The following MIAT variants were observed in gnomAD, a reference collection of about 807,000 sequenced individuals.
MIAT encodes myocardial infarction associated transcript.
intron 2 of MIAT, among the ~76,000 whole-genome samples, chr22:26,662,073 A>C (rs1271671857): frequency 1.3e-5 from 2 of 151,184 alleles, no homozygotes; most frequent in Non-Finnish European, 3.0e-5. Context: ...CCTCCTGTTG[A>C]AGCCTCCCAA....
chr22:26,656,239 G>A (rs1455873951), intron 2 of MIAT: 1 of 152,154 alleles, frequency 6.6e-6, no homozygotes, highest in Non-Finnish European at 1.5e-5. Flanking sequence ...TCGAACTCCT[G>A]ACTTCAGGTG....
exon 5 of MIAT, chr22:26,667,292 T>C (rs775521769): frequency 1.0e-5 from 4 of 398,086 alleles, no homozygotes; most frequent in African/African-American, 4.2e-5. Context: ...ACACGCTTTA[T>C]TACAGTCTCG....
intron 2 of MIAT, among the ~76,000 whole-genome samples, chr22:26,654,991 C>T (rs140236388): frequency 0.01 from 1,537 of 152,282 alleles, 28 homozygotes; most frequent in African/African-American, 0.033. Context: ...GGATTACAGG[C>T]GTGAGCTGCT....
intron 2 of MIAT, among the ~76,000 whole-genome samples, chr22:26,652,545 C>T (rs993618134): frequency 5.9e-5 from 9 of 152,106 alleles, no homozygotes; most frequent in African/African-American, 9.6e-5. Context: ...TTAGTAGAGA[C>T]GGGGATTTCA....
At chr22:26,676,102 A>G (rs1028064738) in exon 5 of MIAT, 3 of 386,718 alleles carry the variant, frequency 7.8e-6, no homozygotes, top group Non-Finnish European at 1.4e-5. Context: ...CAATCCGAAC[A>G]GGTGTTATAA....
chr22:26,649,663 C>A (rs1369619815), intron 2 of MIAT, among the ~76,000 whole-genome samples: 1 of 152,192 alleles, frequency 6.6e-6, no homozygotes, highest in Non-Finnish European at 1.5e-5. Flanking sequence ...GCCTGTAATC[C>A]CAGCACTTTG....
exon 5 of MIAT, chr22:26,676,217 C>G: frequency 2.5e-6 from 1 of 396,214 alleles, no homozygotes; most frequent in East Asian, 3.6e-5. Flanking sequence ...GGGACTGGTT[C>G]CATTCCATCA....
intron 2 of MIAT, chr22:26,663,269 G>T (rs75777494): frequency 0.017 from 6,649 of 398,538 alleles, 379 homozygotes; most frequent in African/African-American, 0.12. Context: ...GTACCCATGG[G>T]TATGTATTTA....
chr22:26,649,086 G>C (rs976932293), intron 2 of MIAT, among the ~76,000 whole-genome samples: 1 of 152,206 alleles, frequency 6.6e-6, no homozygotes, highest in African/African-American at 2.4e-5. Flanking sequence ...TAATGTGAGA[G>C]AGAGAGAGAG....
intron 2 of MIAT, among the ~76,000 whole-genome samples, chr22:26,647,867 G>A (rs1930264015): frequency 6.6e-6 from 1 of 151,998 alleles, no homozygotes; most frequent in African/African-American, 2.4e-5. Context: ...GAGCATCGAT[G>A]GGGCTTGGAG....
exon 6 of MIAT, chr22:26,668,633 A>T: frequency 2.5e-6 from 1 of 399,280 alleles, no homozygotes. Flanking sequence ...AGGAACAAGG[A>T]TGGGAGTCGG....
exon 1 of MIAT, chr22:26,646,616 T>C: frequency 2.8e-6 from 1 of 360,396 alleles, no homozygotes; most frequent in Non-Finnish European, 4.9e-6. Flanking sequence ...GTTGTGTCTG[T>C]TTATCTTCAG....
downstream of MIAT, chr22:26,674,127 G>T (rs1270831055): frequency 1.3e-5 from 5 of 398,508 alleles, no homozygotes; most frequent in Non-Finnish European, 1.8e-5. Context: ...TAAAGCTTTA[G>T]ATCAGAGTAT....
downstream of MIAT, chr22:26,671,243 G>A (rs1370146687): frequency 1.0e-5 from 4 of 398,524 alleles, no homozygotes; most frequent in African/African-American, 2.1e-5. Context: ...AATAAATAGG[G>A]AAGCAACATG....
chr22:26,671,993 G>A (rs1303019544), downstream of MIAT: 1 of 398,712 alleles, frequency 2.5e-6, no homozygotes, highest in African/African-American at 2.1e-5. Flanking sequence ...TTCTTCCTCC[G>A]TCTCAGCTTT....
intron 2 of MIAT, among the ~76,000 whole-genome samples, chr22:26,661,949 T>TGG (rs1930688805): frequency 2.5e-5 from 1 of 40,016 alleles, no homozygotes. Context: ...TATATATATA[T>TGG]ATATATATAT....
At chr22:26,671,576 G>C (rs1931049553), downstream of MIAT, 1 of 398,806 alleles carries the variant, frequency 2.5e-6, no homozygotes, top group African/African-American at 2.1e-5. Context: ...CTTTCAAGGG[G>C]CTGGGATATG....
chr22:26,670,602 T>TAA (rs34401113), downstream of MIAT: 2,393 of 306,370 alleles, frequency 7.8e-3, no homozygotes, highest in Non-Finnish European at 8.9e-3. Context: ...CATTGCTCCT[T>TAA]AAAAAAAAAA....
At chr22:26,665,818 A>G in exon 4 of MIAT, 1 of 398,624 alleles carries the variant, frequency 2.5e-6, no homozygotes, top group Non-Finnish European at 4.4e-6. Flanking sequence ...TTCACACTTC[A>G]CATTTGGCGT....
Sources: allele counts gnomAD v4.1 joint callset (sites outside exome capture counted in the v4.1 genomes callset), GRCh38; gene constraint gnomAD v4.1.1; transcripts MANE v1.5; gene names NCBI Gene and HGNC (gene_info 2026-07-23, HGNC 2026-07-21).